Variants in PIK3CB observed in about 807,000 individuals in gnomAD.
The protein encoded by PIK3CB is phosphatidylinositol 4,5-bisphosphate 3-kinase catalytic subunit beta isoform.
In PIK3CB, 39 loss-of-function variants were observed where a neutral mutation model predicts 136.8. The ratio of observed to expected loss-of-function variants is 0.29; its 90% CI spans 0.22 to 0.37. The LOEUF is 0.37. Among genes scored for constraint, PIK3CB ranks in the 10% least tolerant of loss-of-function variants. The pLI, the probability that PIK3CB is intolerant of heterozygous loss-of-function variation, is 1.00. For synonymous variants in PIK3CB, 428 were observed against 436.6 expected, an observed-to-expected ratio of 0.98 and a Z score of 0.25; for missense variants, 868 against 1,275.4, an observed-to-expected ratio of 0.68 and a Z score of 4.87.
intron 4 of PIK3CB, among the ~76,000 whole-genome samples, chr3:138,753,385 G>C (rs2045508539): frequency 6.6e-6 from 1 of 152,026 alleles, no homozygotes; most frequent in Non-Finnish European, 1.5e-5. Context: ...GCTGGGCATG[G>C]TGGCAGGTGC....
chr3:138,694,751 T>C (rs755881992), intron 14 of PIK3CB, 35 bp downstream of exon 14: 3 of 1,606,062 alleles, frequency 1.9e-6, no homozygotes, highest in Non-Finnish European at 2.6e-6. Flanking sequence ...CCCAAGTTAT[T>C]CCTTGCCCCA....
rs35752174 is a variant in PIK3CB, at chr3:138,802,890, G to T, written c.-121-6323C>A. 7.9e-4 allele frequency among the ~76,000 whole-genome samples: 120 copies of T among 152,278 alleles called. No homozygotes were observed. In the Middle Eastern group the frequency reaches 0.014, roughly 17 times the overall value. ...TTCCATGAATAAATGATGGATATAGGAAAATATTCACACACTCTAATACAT... is the reference window on the plus strand; with the variant it reads ...TTCCATGAATAAATGATGGATATAGTAAAATATTCACACACTCTAATACAT... On this transcript the variant is annotated intron_variant, in intron 1 of 23. Transcript: ENST00000674063.
At chr3:138,761,705 G>A (rs1240346867) in intron 2 of PIK3CB, among the ~76,000 whole-genome samples, 1 of 152,172 alleles carries the variant, frequency 6.6e-6, no homozygotes, top group African/African-American at 2.4e-5. Flanking sequence ...GGGAGGCAGA[G>A]GTTGCAGTGA....
rs144797645 is a variant in PIK3CB at position 138,817,882 on chromosome 3, G to A, written c.-122+16813C>T. Reference sequence around the variant, plus strand: ...TGGGAGGAGCAAGTACTTGAGCCCTGGAGTTTGAGGCTGCAGTGAGCTATG... The same window carrying A: ...TGGGAGGAGCAAGTACTTGAGCCCTAGAGTTTGAGGCTGCAGTGAGCTATG... On this transcript the variant is annotated intron_variant, in intron 1 of 23. Coordinates refer to ENST00000674063, the MANE Select transcript of PIK3CB (RefSeq NM_006219.3). Among the ~76,000 whole-genome samples the A allele has an allele frequency of 3.3e-3, 495 of 152,228 alleles. 1 individual carries two copies. The highest frequency in any genetic ancestry group is 4.8e-3 in the Non-Finnish European group (327 of 68,016).
intron 1 of PIK3CB, among the ~76,000 whole-genome samples, chr3:138,799,199 A>G (rs923122383): frequency 2.9e-5 from 4 of 136,506 alleles, no homozygotes; most frequent in African/African-American, 1.2e-4. Flanking sequence ...TTTTTTTGAG[A>G]CAGAGTCTCA....
intron 1 of PIK3CB, among the ~76,000 whole-genome samples, chr3:138,821,024 C>G (rs1169718875): frequency 6.6e-6 from 1 of 151,756 alleles, no homozygotes; most frequent in African/African-American, 2.4e-5. Flanking sequence ...CGGTGGCTCA[C>G]GCCTGTAATC....
intron 2 of PIK3CB, among the ~76,000 whole-genome samples, chr3:138,780,102 C>T (rs1046324317): frequency 3.3e-5 from 5 of 150,742 alleles, no homozygotes; most frequent in African/African-American, 1.2e-4. Flanking sequence ...AGATTACAGG[C>T]ACACATCACC....
chr3:138,760,277 C>G (rs1014408319), intron 2 of PIK3CB, among the ~76,000 whole-genome samples: 2 of 152,128 alleles, frequency 1.3e-5, no homozygotes, highest in Non-Finnish European at 2.9e-5. Flanking sequence ...ATTAAAAACA[C>G]CAAATCGCTC....
chr3:138,749,347 C>T (rs1456449710), intron 4 of PIK3CB, among the ~76,000 whole-genome samples: 1 of 152,196 alleles, frequency 6.6e-6, no homozygotes, highest in Non-Finnish European at 1.5e-5. Flanking sequence ...CTAATCCTGG[C>T]CATCATCACC....
In PIK3CB at chr3:138,827,218, T is replaced by C. The variant is rs77242903; in HGVS notation, c.-122+7477A>G. On this transcript the variant is annotated intron_variant, in intron 1 of 23. Transcript: ENST00000674063. ...AAGGACAAAACAAGGTGGTTTTGTT[T>C]GGTTCCTTATTTTCAAAAAGACTAA... 5.4e-3 allele frequency among the ~76,000 whole-genome samples: 830 copies of C among 152,304 alleles called. 8 individuals carry two copies. Among genetic ancestry groups the C allele is most frequent in the African/African-American group, 0.019 (779 of 41,580 alleles).
At chr3:138,775,926 G>A (rs1434883469) in intron 2 of PIK3CB, among the ~76,000 whole-genome samples, 1 of 152,092 alleles carries the variant, frequency 6.6e-6, no homozygotes, top group African/African-American at 2.4e-5. Flanking sequence ...GGCCAGCCGC[G>A]GTGGCTCACA....
At chr3:138,831,281 A>AAATAAAATT (rs1553745244) in intron 1 of PIK3CB, among the ~76,000 whole-genome samples, 4 of 148,282 alleles carry the variant, frequency 2.7e-5, no homozygotes, top group African/African-American at 7.6e-5. Context: ...AAAATAAAAT[A>AAATAAAATT]AAATTAAATT....
chr3:138,826,721 C>T (rs1238428273), intron 1 of PIK3CB, among the ~76,000 whole-genome samples: 2 of 151,926 alleles, frequency 1.3e-5, no homozygotes, highest in Non-Finnish European at 2.9e-5. Context: ...CACTCTCTCA[C>T]ACACGTGTGC....
chr3:138,797,538 T>C (rs2046122454), intron 1 of PIK3CB, among the ~76,000 whole-genome samples: 1 of 152,256 alleles, frequency 6.6e-6, no homozygotes. Context: ...TGTCTTTTGA[T>C]GAAGATGAAT....
chr3:138,810,562 A>G (rs1445645627), intron 1 of PIK3CB, among the ~76,000 whole-genome samples: 1 of 152,070 alleles, frequency 6.6e-6, no homozygotes, highest in Non-Finnish European at 1.5e-5. Context: ...GAAAAACTCA[A>G]TTGAAAGACA....
chr3:138,668,079 A>G (rs1020741690), intron 19 of PIK3CB, among the ~76,000 whole-genome samples: 1 of 152,010 alleles, frequency 6.6e-6, no homozygotes, highest in Admixed American at 6.6e-5. Context: ...AGAAAAAAAT[A>G]ATAATAAAAG....
chr3:138,746,056 G>A (rs1034065547), intron 4 of PIK3CB, among the ~76,000 whole-genome samples: 3 of 151,970 alleles, frequency 2.0e-5, no homozygotes, highest in Non-Finnish European at 1.5e-5. Flanking sequence ...AGACCAGCCT[G>A]GGCAACATAG....
intron 1 of PIK3CB, among the ~76,000 whole-genome samples, chr3:138,819,666 T>C (rs780125434): frequency 6.6e-6 from 1 of 152,090 alleles, no homozygotes; most frequent in African/African-American, 2.4e-5. Context: ...TACAGCCTCA[T>C]CATCTTTTAA....
At chr3:138,664,163 A>AC in intron 20 of PIK3CB, 134 bp from the exon 21 acceptor site, 1 of 999,920 alleles carries the variant, frequency 1.0e-6, no homozygotes, top group Non-Finnish European at 1.4e-6. Context: ...ATGAGAGAAC[A>AC]TGTGGATCAG....
Sources: allele counts gnomAD v4.1 joint callset (sites outside exome capture counted in the v4.1 genomes callset), GRCh38; gene constraint gnomAD v4.1.1; transcripts MANE v1.5; gene names NCBI Gene and HGNC (gene_info 2026-07-23, HGNC 2026-07-21).